CGN: variants seen among roughly 807,000 people sequenced by gnomAD.
CGN encodes the protein cingulin.
Under a neutral mutation model 157.1 loss-of-function variants are expected in CGN, and 121 were observed. That is an observed-to-expected ratio of 0.77 (90% confidence interval 0.66 to 0.90). The LOEUF (loss-of-function observed/expected upper bound fraction) is 0.90, where lower values mean the gene tolerates loss of function less well. Among genes scored for constraint, CGN ranks in the 40% least tolerant of loss-of-function variants. The pLI, the probability that CGN is intolerant of heterozygous loss-of-function variation, is 0.00. For synonymous variants in CGN, 535 were observed against 607.5 expected, an observed-to-expected ratio of 0.88 and a Z score of 1.76; for missense variants, 1,424 against 1,520.9, an observed-to-expected ratio of 0.94 and a Z score of 1.06.
intron 9 of CGN, 54 bp downstream of exon 9, chr1:151,525,844 C>A: frequency 8.0e-7 from 1 of 1,246,364 alleles, no homozygotes; most frequent in Non-Finnish European, 1.1e-6. Context: ...CACTTCCTTT[C>A]TTTTTTTTAA....
At chr1:151,534,188 C>T in intron 15 of CGN, 52 bp downstream of exon 15, 7 of 1,500,302 alleles carry the variant, frequency 4.7e-6, no homozygotes, top group Non-Finnish European at 6.3e-6. Context: ...TTCCAAGCCT[C>T]TTTCTGTACT....
At chr1:151,516,907 C>T (rs1014694825) in intron 1 of CGN, among the ~76,000 whole-genome samples, 2 of 151,628 alleles carry the variant, frequency 1.3e-5, no homozygotes, top group African/African-American at 4.8e-5. Context: ...TGCCTGTAAT[C>T]CCAGCACTTT....
In CGN at chr1:151,533,988, G is replaced by A. The variant is rs779543779; in HGVS notation, c.2756G>A (p.Arg919Gln). The change falls in exon 15 of 21, where the codon CGG becomes CAG. Residue 919 changes from arginine to glutamine, a missense_variant. Coordinates refer to ENST00000271636, the MANE Select transcript of CGN (RefSeq NM_020770.3). ...SRLQDEIQRL[R>Q]QALQASQAER... Reference sequence around the variant, plus strand: ...CCCCCTGCCCAGATCCAGAGGCTGCGGCAGGCCCTGCAGGCATCCCAGGCT... The same window carrying A: ...CCCCCTGCCCAGATCCAGAGGCTGCAGCAGGCCCTGCAGGCATCCCAGGCT... The A allele has an allele frequency of 6.8e-6, 11 of 1,608,870 alleles. No individual in the cohort carries two copies. Among genetic ancestry groups the A allele is most frequent in the South Asian group, 5.5e-5 (5 of 90,518 alleles).
rs1173999210 is a variant in CGN at position 151,527,248 on chromosome 1, C to G, written c.1896+141C>G. On this transcript the variant is annotated intron_variant, in intron 10 of 20. Coordinates refer to ENST00000271636, the MANE Select transcript of CGN (RefSeq NM_020770.3). ...TCATCCTGCCTGCTCAGCTTGATCT[C>G]TTTCCAGCACAGCAGCACCAGTCTC... 4 of 864,300 alleles carry G rather than the reference C, an allele frequency of 4.6e-6. No individual in the cohort carries two copies. In the Admixed American group the frequency reaches 8.8e-5, roughly 19 times the overall value. 53.5% of individuals were successfully genotyped at this position (864,300 alleles called of 1,614,324 possible).
At chr1:151,530,795 A>G in intron 13 of CGN, 49 bp downstream of exon 13, 2 of 1,546,478 alleles carry the variant, frequency 1.3e-6, no homozygotes, top group Non-Finnish European at 1.7e-6. Context: ...CAGCTCATCC[A>G]GAAGCTGGCC....
chr1:151,528,024 C>T (rs1242056323), intron 10 of CGN: 11 of 149,564 alleles, frequency 7.4e-5, no homozygotes, highest in Admixed American at 1.6e-4. Flanking sequence ...GGCGTGATCT[C>T]GGCTCACTGC....
intron 10 of CGN, 129 bp from the exon 11 acceptor site, chr1:151,529,221 C>T (rs558122107): frequency 1.1e-5 from 8 of 707,126 alleles, no homozygotes; most frequent in South Asian, 3.9e-5. Flanking sequence ...GAGAAACTGC[C>T]AAACTACTTT....
chr1:151,537,153 CTT>C, intron 20 of CGN, 50 bp from the exon 21 acceptor site: 5 of 1,570,572 alleles, frequency 3.2e-6, no homozygotes, highest in Non-Finnish European at 4.3e-6. Flanking sequence ...GGGTGGCTGT[CTT>C]AATATTTCTA....
In CGN at chr1:151,530,581, A is replaced by G; in HGVS notation, c.2406A>G (p.Leu802=). ...AAAKRALEAR[L]EEAQRGLARL... ...CCAAGCGGGCACTGGAGGCACGCCT[A>G]GAGGAGGCTCAGCGGGGGCTGGCCC... Residue 802 remains leucine (L), a synonymous_variant, in exon 13 of 21, where the codon CTA becomes CTG. Transcript: ENST00000271636. The G allele has an allele frequency of 6.2e-7, 1 of 1,611,326 alleles. No homozygotes were observed. Among genetic ancestry groups the G allele is most frequent in the Non-Finnish European group, 8.5e-7 (1 of 1,178,770 alleles).
At chr1:151,520,714 G>C (rs368606703) in intron 5 of CGN, 23 bp downstream of exon 5, 1 of 1,596,824 alleles carries the variant, frequency 6.3e-7, no homozygotes, top group African/African-American at 1.3e-5. Context: ...TAGAGGTGCC[G>C]GAGGCATGAA....
At chr1:151,536,139 G>A in intron 18 of CGN, 98 bp from the exon 19 acceptor site, 1 of 814,978 alleles carries the variant, frequency 1.2e-6, no homozygotes. Context: ...TAATGGTGGA[G>A]CTCATGGCTG....
At position 151,520,688 on chromosome 1, in the gene CGN, G is replaced by A. The variant is rs373552166; in HGVS notation, c.1137G>A (p.Val379=). 8 of 1,612,714 alleles carry A rather than the reference G, an allele frequency of 5.0e-6. No homozygotes were observed. In the East Asian group the frequency reaches 8.9e-5, roughly 18 times the overall value. Residue 379 remains valine (V), a synonymous_variant, in exon 5 of 21, where the codon GTG becomes GTA. Transcript: ENST00000271636. ...TACAGCGAAAGCTGGATGAAGAGGT[G>A]AAGGTAAGGAAAGGTTAGAGGTGCC... is the stretch of plus-strand genomic sequence containing the variant. ...EELQRKLDEE[V]KKRQKLEPSQ... is the part of the protein sequence containing the mutation.
chr1:151,531,806 ATTT>A, intron 13 of CGN, among the ~76,000 whole-genome samples: 3 of 152,198 alleles, frequency 2.0e-5, no homozygotes, highest in African/African-American at 7.2e-5. Context: ...TAAAGTGCAC[ATTT>A]TATCATTTGT....
chr1:151,520,088 C>G (rs1664504664), intron 2 of CGN, 78 bp from the exon 3 acceptor site: 1 of 1,096,706 alleles, frequency 9.1e-7, no homozygotes, highest in Non-Finnish European at 1.3e-6. Context: ...TCCATCTGAA[C>G]CCCACGCATG....
At chr1:151,516,472 C>T (rs991148696) in intron 1 of CGN, among the ~76,000 whole-genome samples, 2 of 151,918 alleles carry the variant, frequency 1.3e-5, no homozygotes, top group Non-Finnish European at 2.9e-5. Flanking sequence ...GGAAGCTGGC[C>T]TATGGATGGT....
rs2102493829 is a variant in CGN at position 151,524,678 on chromosome 1, T to A, written c.1406T>A (p.Leu469Gln). The change falls in exon 8 of 21, where the codon CTG (leucine) becomes CAG (glutamine). Residue 469 changes from leucine (L) to glutamine (Q), a missense_variant. Physicochemically the swap from Leu to Gln is moderately radical, Grantham distance 113 (BLOSUM62 -2). Coordinates refer to ENST00000271636, the MANE Select transcript of CGN (RefSeq NM_020770.3). The surrounding 1 kb of genome is among the most constrained non-coding windows in gnomAD (Gnocchi z 4.4). ...TTCTTCCTTTATTTTCTCCAGGACC[T>A]GTTAGAGACCCGGGAACTTCTGGAA... ...EPAKEVLLKD[L>Q]LETRELLEEV... The A allele has an allele frequency of 1.2e-6, 2 of 1,605,926 alleles. No individual in the cohort carries two copies. The highest frequency in any genetic ancestry group is 4.5e-5 in the East Asian group (2 of 44,828).
chr1:151,523,304 C>A, intron 5 of CGN, 130 bp from the exon 6 acceptor site: 1 of 744,748 alleles, frequency 1.3e-6, no homozygotes, highest in Non-Finnish European at 2.1e-6. Context: ...GGATAATACA[C>A]ATAAGGTCCT....
At position 151,530,570 on chromosome 1, in the gene CGN, G is replaced by T. The variant is rs1157353501; in HGVS notation, c.2395G>T (p.Glu799Ter). Residue 799 changes from glutamate (E) to a stop codon, truncating the protein, a stop_gained, in exon 13 of 21, where the codon GAG (glutamate) becomes TAG (stop). Transcript: ENST00000271636. LOFTEE classifies it high-confidence loss of function. ...TCTGGCAGCAGCCAAGCGGGCACTG[G>T]AGGCACGCCTAGAGGAGGCTCAGCG... is the stretch of plus-strand genomic sequence containing the variant. ...GSLAAAKRAL[E>*]ARLEEAQRGL... 1.9e-6 allele frequency: 3 copies of T among 1,610,236 alleles called. No individual in the cohort carries two copies. The highest frequency in any genetic ancestry group is 2.5e-6 in the Non-Finnish European group (3 of 1,178,454).
At chr1:151,532,612 CTTTTTTTT>C (rs34388063) in intron 14 of CGN, 40 bp downstream of exon 14, 87 of 536,710 alleles carry the variant, frequency 1.6e-4, no homozygotes, top group Admixed American at 6.6e-4. Context: ...GTCCTTGCCT[CTTTTTTTT>C]TTTTTTTTTT....
Sources: allele counts gnomAD v4.1 joint callset (sites outside exome capture counted in the v4.1 genomes callset), GRCh38; gene constraint gnomAD v4.1.1; non-coding constraint Gnocchi (gnomAD v3.1); transcripts MANE v1.5; gene names NCBI Gene and HGNC (gene_info 2026-07-23, HGNC 2026-07-21).